The following WDFY4 variants were observed in gnomAD, a reference collection of about 807,000 sequenced individuals.
WDFY4 encodes the protein WDFY family member 4, also known as WD repeat- and FYVE domain-containing protein 4.
WDFY4 carries 169 observed loss-of-function variants against 351.9 expected under a neutral mutation model. The ratio of observed to expected loss-of-function variants is 0.48; its 90% CI spans 0.42 to 0.55. The LOEUF is 0.55. WDFY4 is among the 20% of genes least tolerant of loss of function. WDFY4 has a pLI of 0.00. For missense variants in WDFY4, 3,803 were observed against 3,935.6 expected, an observed-to-expected ratio of 0.97 and a Z score of 0.90; for synonymous variants, 1,622 against 1,574.6, an observed-to-expected ratio of 1.03 and a Z score of -0.71.
intron 36 of WDFY4, among the ~76,000 whole-genome samples, chr10:48,828,156 G>A (rs567848230): frequency 1.1e-4 from 17 of 152,272 alleles, no homozygotes; most frequent in Admixed American, 7.8e-4. Context: ...TAATGGCCAC[G>A]TGGACGTTAA....
chr10:48,704,760 A>G (rs952998116), intron 1 of WDFY4, among the ~76,000 whole-genome samples: 6 of 152,136 alleles, frequency 3.9e-5, no homozygotes, highest in African/African-American at 1.4e-4. Context: ...TGGCGAAGGG[A>G]CCCTGGCCAA....
chr10:48,788,971 C>T (rs1008764807), intron 21 of WDFY4, among the ~76,000 whole-genome samples: 8 of 152,210 alleles, frequency 5.3e-5, no homozygotes, highest in Admixed American at 3.3e-4. Context: ...TTGAGCTTCC[C>T]TAGTCCTGGG....
chr10:48,718,351 T>C, intron 2 of WDFY4, among the ~76,000 whole-genome samples: 1 of 152,184 alleles, frequency 6.6e-6, no homozygotes, highest in Non-Finnish European at 1.5e-5. Flanking sequence ...AGGGAAGATT[T>C]TTGAAGGCTT....
rs547412930 is a variant in WDFY4 at position 48,784,442 on chromosome 10, A to G, written c.3577-2197A>G. 1.8e-4 allele frequency among the ~76,000 whole-genome samples: 27 copies of G among 146,582 alleles called. 1 individual carries two copies. In the South Asian group the frequency reaches 5.7e-3, roughly 31 times the overall value. On this transcript the variant is annotated intron_variant, in intron 19 of 61. Transcript: ENST00000325239. ...TTAGTGGCTAATGAGGTTGAACATCACCTTTTCATGTGCTTATTTGCCATC... is the reference window on the plus strand; with the variant it reads ...TTAGTGGCTAATGAGGTTGAACATCGCCTTTTCATGTGCTTATTTGCCATC...
chr10:48,930,889 C>A (rs925891857), intron 47 of WDFY4, among the ~76,000 whole-genome samples: 1 of 152,102 alleles, frequency 6.6e-6, no homozygotes, highest in Non-Finnish European at 1.5e-5. Flanking sequence ...TGTTCTCTGG[C>A]ACACATGCAC....
At chr10:48,777,180 C>T (rs564571709) in intron 16 of WDFY4, among the ~76,000 whole-genome samples, 196 bp downstream of exon 16, 1 of 152,226 alleles carries the variant, frequency 6.6e-6, no homozygotes, top group South Asian at 2.1e-4. Context: ...GGCCAAGACC[C>T]TCTTTTCCCT....
At chr10:48,728,046 C>T (rs768179084) in intron 7 of WDFY4, among the ~76,000 whole-genome samples, 5 of 152,186 alleles carry the variant, frequency 3.3e-5, no homozygotes, top group Admixed American at 6.5e-5. Context: ...ACTGAAGGTG[C>T]CAATGGGTGC....
intron 2 of WDFY4, among the ~76,000 whole-genome samples, chr10:48,716,919 T>C (rs1318330067): frequency 6.6e-6 from 1 of 152,222 alleles, no homozygotes; most frequent in Non-Finnish European, 1.5e-5. Context: ...ACTTTTTCTC[T>C]CCAGGGATTA....
rs750671752 is a variant in WDFY4, at chr10:48,774,614, C to A, written c.2710C>A (p.Arg904Ser). 6 of 1,551,612 alleles carry A rather than the reference C, an allele frequency of 3.9e-6. No homozygotes were observed. The highest frequency in any genetic ancestry group is 1.4e-5 in the African/African-American group (1 of 73,070). The change falls in exon 14 of 62, where the codon CGC becomes AGC. Residue 904 changes from arginine (R) to serine (S), a missense_variant. Arg to Ser is a moderately radical substitution (Grantham distance 110). Transcript: ENST00000325239. The part of the protein sequence containing the change: ...LVTSGSPLHS[R>S]LIRIFEKLAS... ...CACCAGTGGCAGCCCCCTCCACTCA[C>A]GCCTCATCAGGATCTTTGAGAAGCT...
intron 39 of WDFY4, among the ~76,000 whole-genome samples, chr10:48,855,506 A>G (rs1222616383): frequency 6.6e-6 from 1 of 152,184 alleles, no homozygotes; most frequent in African/African-American, 2.4e-5. Flanking sequence ...TGGTAGGGCA[A>G]CAGTTCTCAA....
intron 8 of WDFY4, among the ~76,000 whole-genome samples, chr10:48,730,264 G>A (rs1037488962): frequency 6.6e-6 from 1 of 152,268 alleles, no homozygotes; most frequent in Non-Finnish European, 1.5e-5. Context: ...TGGAAGGCTG[G>A]GTGAGTCTGG....
chr10:48,878,165 G>C (rs1028547459), intron 43 of WDFY4: 1 of 152,506 alleles, frequency 6.6e-6, no homozygotes, highest in Non-Finnish European at 1.5e-5. Flanking sequence ...GGTGGTTGAA[G>C]GCTTGGTGGA....
At chr10:48,904,876 C>T (rs1589843890) in intron 47 of WDFY4, among the ~76,000 whole-genome samples, 1 of 152,246 alleles carries the variant, frequency 6.6e-6, no homozygotes, top group East Asian at 1.9e-4. Flanking sequence ...GTATGGTTCC[C>T]TGAGAAAATC....
chr10:48,952,058 G>A (rs1004833562), intron 51 of WDFY4, among the ~76,000 whole-genome samples: 7 of 152,252 alleles, frequency 4.6e-5, no homozygotes, highest in East Asian at 3.8e-4. Context: ...TAACTGCAGA[G>A]AGAATGGAGA....
At chr10:48,884,101 A>C (rs1038741766) in intron 43 of WDFY4, 1 of 152,136 alleles carries the variant, frequency 6.6e-6, no homozygotes, top group Non-Finnish European at 1.5e-5. Context: ...TTGTTCTTTG[A>C]TTACATGAAA....
chr10:48,910,151 C>G (rs1837866127), intron 47 of WDFY4: 1 of 1,272,874 alleles, frequency 7.9e-7, no homozygotes, highest in South Asian at 1.2e-5. Flanking sequence ...ACTTGCCACT[C>G]TGTCTTCTCC....
intron 39 of WDFY4, among the ~76,000 whole-genome samples, chr10:48,841,282 T>TCCATTG (rs2068596096): frequency 1.3e-5 from 2 of 152,256 alleles, no homozygotes; most frequent in South Asian, 4.1e-4. Flanking sequence ...ATATATTTGT[T>TCCATTG]ACTGCACTTT....
In WDFY4 at chr10:48,913,429, G is replaced by A. The variant is rs771789830; in HGVS notation, c.7586+11566G>A. The A allele has an allele frequency of 5.0e-6, 8 of 1,612,914 alleles. No individual in the cohort carries two copies. In the African/African-American group the frequency reaches 9.4e-5, roughly 19 times the overall value. ...CAGGAGTCCTTGGCCATGGAATTGG[G>A]TGAGATCAGATTGGGAAAGATGGTC... On this transcript the variant is annotated intron_variant, in intron 47 of 61. Transcript: ENST00000325239.
rs1589764148 is a variant in WDFY4, at chr10:48,859,978, A to G, written c.6664-7287A>G. 2.0e-5 allele frequency among the ~76,000 whole-genome samples: 3 copies of G among 152,296 alleles called. 1 individual carries two copies. The highest frequency in any genetic ancestry group is 2.0e-4 in the Admixed American group (3 of 15,296). The stretch of plus-strand genomic sequence containing the variant: ...CCATTTCATCTAAATTGTCACATTG[A>G]TGTGTGTACAGTTCCTGGTATTACC... On this transcript the variant is annotated intron_variant, in intron 39 of 61. Coordinates refer to ENST00000325239, the MANE Select transcript of WDFY4 (RefSeq NM_001394531.1).
Sources: gnomAD v4.1 joint callset for allele counts (sites outside exome capture counted in the v4.1 genomes callset) on GRCh38, gnomAD v4.1.1 for gene constraint, MANE v1.5 for transcripts, NCBI Gene and HGNC (gene_info 2026-07-23, HGNC 2026-07-21) for gene names.